The following SLC22A9 variants were observed in gnomAD, a reference collection of about 807,000 sequenced individuals.
The protein encoded by SLC22A9 is solute carrier family 22 member 9.
SLC22A9 carries 64 observed loss-of-function variants against 50.1 expected under a neutral mutation model. The ratio of observed to expected loss-of-function variants is 1.28; its 90% CI spans 1.04 to 1.57. The LOEUF (loss-of-function observed/expected upper bound fraction) is 1.57. Ranked by LOEUF, SLC22A9 falls within the 40% of genes most tolerant of loss-of-function variation. The pLI is 0.00. For missense variants in SLC22A9, 757 were observed against 676.1 expected, an observed-to-expected ratio of 1.12 and a Z score of -1.33; for synonymous variants, 261 against 242.5, an observed-to-expected ratio of 1.08 and a Z score of -0.71.
At chr11:63,408,978 G>C in intron 9 of SLC22A9, 99 bp downstream of exon 9, 1 of 1,308,354 alleles carries the variant, frequency 7.6e-7, no homozygotes, top group Non-Finnish European at 1.1e-6. Flanking sequence ...CTCTCAAAAG[G>C]CTTAGACTTA....
rs113557664 is a variant in SLC22A9 at position 63,376,973 on chromosome 11, C to G, written c.954+1205C>G. On this transcript the variant is annotated intron_variant, in intron 5 of 9. Coordinates refer to ENST00000279178, the MANE Select transcript of SLC22A9 (RefSeq NM_080866.3). ...GCAAAAGGAGAATTACATAATGATC[C>G]AGGGTTCAATTCAATAAGATTTAAC... is the stretch of plus-strand genomic sequence containing the variant. Among the ~76,000 whole-genome samples, 12 of 152,062 alleles carry G rather than the reference C, an allele frequency of 7.9e-5. 1 individual carries two copies. The highest frequency in any genetic ancestry group is 2.4e-4 in the African/African-American group (10 of 41,528).
At chr11:63,396,683 T>C (rs1037995543) in intron 6 of SLC22A9, among the ~76,000 whole-genome samples, 3 of 152,196 alleles carry the variant, frequency 2.0e-5, no homozygotes, top group African/African-American at 7.2e-5. Context: ...TCAATTGCAT[T>C]TTCAACTCCA....
intron 2 of SLC22A9, 66 bp downstream of exon 2, chr11:63,371,304 A>ATAAGT: frequency 7.9e-7 from 1 of 1,264,698 alleles, no homozygotes; most frequent in Non-Finnish European, 1.1e-6. Flanking sequence ...ACATTATTTC[A>ATAAGT]TCTAGAATTA....
intron 2 of SLC22A9, among the ~76,000 whole-genome samples, chr11:63,372,301 C>T (rs1391873254): frequency 6.7e-6 from 1 of 148,192 alleles, no homozygotes; most frequent in Non-Finnish European, 1.5e-5. Context: ...ACTCACTCAA[C>T]TGTTTATGAT....
At chr11:63,402,663 A>G (rs199874366) in intron 6 of SLC22A9, among the ~76,000 whole-genome samples, 1 of 82,278 alleles carries the variant, frequency 1.2e-5, no homozygotes, top group Non-Finnish European at 2.4e-5. Context: ...ATGAAAGTTG[A>G]AAAAAAAAAA....
rs755395828 is a variant in SLC22A9, at chr11:63,408,175, C to T, written c.1352C>T (p.Thr451Ile). Residue 451 changes from threonine to isoleucine, a missense_variant, in exon 8 of 10, where the codon ACC becomes ATC. Thr to Ile is a moderately conservative substitution (Grantham distance 89). Coordinates refer to ENST00000279178, the MANE Select transcript of SLC22A9 (RefSeq NM_080866.3). ...TTAGGAGCGTCTGCTCTTGCCAATACCCTTGCTTTTGCCCATGGAAATGAA... is the reference window on the plus strand; with the variant it reads ...TTAGGAGCGTCTGCTCTTGCCAATATCCTTGCTTTTGCCCATGGAAATGAA... ...LGLGASALAN[T>I]LAFAHGNEVI... The T allele has an allele frequency of 1.2e-6, 2 of 1,613,750 alleles. No individual in the cohort carries two copies.
intron 6 of SLC22A9, among the ~76,000 whole-genome samples, chr11:63,400,771 A>G (rs1479175835): frequency 2.0e-5 from 3 of 152,268 alleles, no homozygotes; most frequent in East Asian, 3.9e-4. Context: ...AGTAGCAAAC[A>G]AAATTTTAAA....
At position 63,369,870 on chromosome 11, in the gene SLC22A9, C is replaced by T. The variant is rs569349622; in HGVS notation, c.-187C>T. ...AGAGAAAACGGCTACCTATCTGACC[C>T]CAAAACGACTTGAGGAAACTGTTTC... is the stretch of plus-strand genomic sequence containing the variant. On this transcript the variant is annotated 5_prime_UTR_variant, in exon 1 of 10. Coordinates refer to ENST00000279178, the MANE Select transcript of SLC22A9 (RefSeq NM_080866.3). 12 of 558,068 alleles carry T rather than the reference C, an allele frequency of 2.2e-5. No individual in the cohort carries two copies. The highest frequency in any genetic ancestry group is 3.5e-5 in the Admixed American group (1 of 28,240). The allele number at this position is 558,068 out of a possible 1,614,324, so 34.6% of individuals were successfully genotyped here.
intron 2 of SLC22A9, 73 bp from the exon 3 acceptor site, chr11:63,373,571 T>C: frequency 7.1e-7 from 1 of 1,398,712 alleles, no homozygotes; most frequent in Non-Finnish European, 9.5e-7. Context: ...AGTTTCAAAG[T>C]GTGCCTTCTC....
In SLC22A9 at chr11:63,369,994, C is replaced by T. The variant is rs769712515; in HGVS notation, c.-63C>T. The T allele has an allele frequency of 4.0e-6, 6 of 1,492,046 alleles. No individual in the cohort carries two copies. Among genetic ancestry groups the T allele is most frequent in the Non-Finnish European group, 5.4e-6 (6 of 1,106,104 alleles). The allele number at this position is 1,492,046 out of a possible 1,614,324, so 92.4% of individuals were successfully genotyped here. A position where few individuals can be genotyped will look rare whatever the true frequency, so the allele number is the denominator to read the frequency against. The stretch of plus-strand genomic sequence containing the variant: ...GACTTAGGGAAAGAAAACATTTTCC[C>T]TCTTTGAACCTCTCTGGATACAGTC... On this transcript the variant is annotated 5_prime_UTR_variant, in exon 1 of 10. Transcript: ENST00000279178.
chr11:63,380,001 G>C (rs1452390174), intron 5 of SLC22A9, among the ~76,000 whole-genome samples: 4 of 151,880 alleles, frequency 2.6e-5, no homozygotes. Flanking sequence ...CAAAGTGCTG[G>C]GATTACAAGC....
At chr11:63,379,798 C>G (rs1171413229) in intron 5 of SLC22A9, among the ~76,000 whole-genome samples, 1 of 152,214 alleles carries the variant, frequency 6.6e-6, no homozygotes, top group Non-Finnish European at 1.5e-5. Context: ...GTGGCATGAT[C>G]TTGGCTCACT....
intron 5 of SLC22A9, among the ~76,000 whole-genome samples, chr11:63,377,918 C>T (rs572139410): frequency 5.9e-5 from 9 of 152,158 alleles, no homozygotes; most frequent in African/African-American, 7.2e-5. Flanking sequence ...CTATTACAAA[C>T]GCCTCTATGC....
At chr11:63,379,865 G>A (rs1311546202) in intron 5 of SLC22A9, among the ~76,000 whole-genome samples, 2 of 152,104 alleles carry the variant, frequency 1.3e-5, no homozygotes, top group African/African-American at 4.8e-5. Context: ...CTGAAGAGCT[G>A]GGATTACAGG....
intron 6 of SLC22A9, among the ~76,000 whole-genome samples, chr11:63,399,223 A>G (rs2014912637): frequency 6.6e-6 from 1 of 152,212 alleles, no homozygotes; most frequent in Non-Finnish European, 1.5e-5. Context: ...TTGAATGTAC[A>G]TGGACTAAAT....
At chr11:63,390,393 T>G (rs942793527) in intron 6 of SLC22A9, among the ~76,000 whole-genome samples, 3 of 152,186 alleles carry the variant, frequency 2.0e-5, no homozygotes, top group African/African-American at 7.2e-5. Context: ...TTTCTGCATG[T>G]GGCTAGCCAG....
rs115002947 is a variant in SLC22A9, at chr11:63,379,491, C to T, written c.955-2668C>T. 4.8e-3 allele frequency among the ~76,000 whole-genome samples: 734 copies of T among 152,194 alleles called. 10 individuals are homozygous for T. Among genetic ancestry groups the T allele is most frequent in the African/African-American group, 0.017 (699 of 41,514 alleles). On this transcript the variant is annotated intron_variant, in intron 5 of 9. Coordinates refer to ENST00000279178, the MANE Select transcript of SLC22A9 (RefSeq NM_080866.3). ...ACAAAGACTCCAAAAGCAATTGCCACAAAAACAAAAGTTGACAAATGGGAC... is the reference window on the plus strand; with the variant it reads ...ACAAAGACTCCAAAAGCAATTGCCATAAAAACAAAAGTTGACAAATGGGAC...
At chr11:63,370,987 T>A (rs893418253) in intron 1 of SLC22A9, 148 bp from the exon 2 acceptor site, 2 of 561,418 alleles carry the variant, frequency 3.6e-6, no homozygotes, top group South Asian at 5.2e-5. Context: ...GAGACCTGAA[T>A]AACAAAGGTC....
At chr11:63,395,701 C>CT (rs2014842059) in intron 6 of SLC22A9, among the ~76,000 whole-genome samples, 1 of 152,136 alleles carries the variant, frequency 6.6e-6, no homozygotes, top group Non-Finnish European at 1.5e-5. Context: ...GGCCTCCTGG[C>CT]TGGGGGTGGC....
Sources: allele counts gnomAD v4.1 joint callset (sites outside exome capture counted in the v4.1 genomes callset), GRCh38; gene constraint gnomAD v4.1.1; transcripts MANE v1.5; gene names NCBI Gene and HGNC (gene_info 2026-07-23, HGNC 2026-07-21).